The following RHOA variants were observed in gnomAD, a reference collection of about 807,000 sequenced individuals.
The protein encoded by RHOA is ras homolog family member A.
A neutral mutation model predicts 17.5 loss-of-function variants in RHOA; 3 were observed. That is an observed-to-expected ratio of 0.17 (90% CI 0.08 to 0.44). The LOEUF is 0.44. RHOA is among the 20% of genes least tolerant of loss of function. The probability of loss-of-function intolerance (pLI) is 0.99; values close to 1 mark genes in which losing one functional copy is unlikely to be tolerated. For synonymous variants in RHOA, 98 were observed against 88.4 expected, an observed-to-expected ratio of 1.11 and a Z score of -0.61; for missense variants, 56 against 242.3, an observed-to-expected ratio of 0.23 and a Z score of 5.10.
chr3:49,370,471 A>G (rs1183874634), intron 2 of RHOA, among the ~76,000 whole-genome samples: 3 of 152,228 alleles, frequency 2.0e-5, no homozygotes, highest in South Asian at 2.1e-4. Flanking sequence ...TTTCTGCTAT[A>G]ATGTGGAAAC....
intron 1 of RHOA, among the ~76,000 whole-genome samples, chr3:49,407,345 T>C (rs959334618): frequency 2.1e-5 from 3 of 146,298 alleles, no homozygotes; most frequent in African/African-American, 7.5e-5. Flanking sequence ...GTGATTCTCC[T>C]ATCTCAGCCT....
At chr3:49,367,366 A>AAAAAAAAAAAG (rs2048076007) in intron 3 of RHOA, among the ~76,000 whole-genome samples, 1 of 146,562 alleles carries the variant, frequency 6.8e-6, no homozygotes, top group Non-Finnish European at 1.5e-5. Flanking sequence ...AAAAAAAAAA[A>AAAAAAAAAAAG]GAATACTGAC....
chr3:49,369,005 C>CGT (rs2048104736), intron 2 of RHOA, among the ~76,000 whole-genome samples: 1 of 84,306 alleles, frequency 1.2e-5, no homozygotes. Flanking sequence ...CCGCGCCTGG[C>CGT]CTTTTTTTTT....
intron 1 of RHOA, among the ~76,000 whole-genome samples, chr3:49,379,915 A>G (rs2048290418): frequency 6.6e-6 from 1 of 152,176 alleles, no homozygotes; most frequent in South Asian, 2.1e-4. Context: ...CAGTGGGGGG[A>G]AAAAAGAGAG....
intron 1 of RHOA, among the ~76,000 whole-genome samples, chr3:49,406,048 A>G (rs1190833859): frequency 6.6e-6 from 1 of 152,194 alleles, no homozygotes; most frequent in African/African-American, 2.4e-5. Flanking sequence ...GAATAACTGG[A>G]AAAGTTAAAC....
Position 49,360,166 on chromosome 3 carries a change from A to G in RHOA, c.*43T>C. On this transcript the variant is annotated 3_prime_UTR_variant, in exon 5 of 5. Transcript: ENST00000418115. The stretch of plus-strand genomic sequence containing the variant: ...TCATACACTAAGATTAATAAACAGC[A>G]CTTCAAAATTAACCGCATAAGGGCT... 1.9e-6 allele frequency: 3 copies of G among 1,562,310 alleles called. No individual in the cohort carries two copies. Among genetic ancestry groups the G allele is most frequent in the Non-Finnish European group, 2.6e-6 (3 of 1,152,646 alleles).
chr3:49,408,167 A>G (rs1411720685), intron 1 of RHOA, among the ~76,000 whole-genome samples: 2 of 460 alleles, frequency 4.3e-3, no homozygotes, highest in Non-Finnish European at 0.012. Flanking sequence ...TCAAAAGAGA[A>G]AAAAAAAAAA....
intron 1 of RHOA, among the ~76,000 whole-genome samples, chr3:49,403,731 A>T (rs2048765468): frequency 6.6e-6 from 1 of 152,148 alleles, no homozygotes; most frequent in African/African-American, 2.4e-5. Flanking sequence ...GTCTAAAAAA[A>T]ATAAGAACAA....
intron 1 of RHOA, among the ~76,000 whole-genome samples, chr3:49,406,504 T>C (rs1352540533): frequency 7.2e-5 from 11 of 152,286 alleles, no homozygotes; most frequent in Non-Finnish European, 1.6e-4. Flanking sequence ...TTGGCCAGGG[T>C]AGCTCACGCC....
At chr3:49,396,346 G>A (rs993098081) in intron 1 of RHOA, among the ~76,000 whole-genome samples, 7 of 152,128 alleles carry the variant, frequency 4.6e-5, no homozygotes, top group Admixed American at 6.6e-5. Context: ...GGCTGAGGAG[G>A]ATGGATCATT....
chr3:49,367,472 A>G (rs2048078153), intron 3 of RHOA, among the ~76,000 whole-genome samples: 1 of 151,996 alleles, frequency 6.6e-6, no homozygotes, highest in African/African-American at 2.4e-5. Flanking sequence ...AGGCTAAGAC[A>G]GGGCAACCAA....
chr3:49,362,663 A>C, intron 3 of RHOA, 37 bp from the exon 4 acceptor site: 1 of 1,563,382 alleles, frequency 6.4e-7, no homozygotes, highest in Non-Finnish European at 8.7e-7. Flanking sequence ...GGATACATAC[A>C]ATTCTATCTT....
At chr3:49,373,029 A>G (rs1559500322) in intron 2 of RHOA, among the ~76,000 whole-genome samples, 1 of 152,132 alleles carries the variant, frequency 6.6e-6, no homozygotes, top group Admixed American at 6.6e-5. Flanking sequence ...GCCCTAGGAC[A>G]GAAAGAAATA....
intron 1 of RHOA, among the ~76,000 whole-genome samples, chr3:49,381,985 G>C (rs768987091): frequency 8.6e-5 from 13 of 151,280 alleles, no homozygotes; most frequent in Non-Finnish European, 1.6e-4. Flanking sequence ...CAGAGTTTGA[G>C]ACCAGCTTGG....
At chr3:49,409,716 T>C (rs1293194589) in intron 1 of RHOA, among the ~76,000 whole-genome samples, 1 of 152,098 alleles carries the variant, frequency 6.6e-6, no homozygotes, top group Non-Finnish European at 1.5e-5. Flanking sequence ...TACACCCCCA[T>C]ATGACCAGAA....
chr3:49,406,612 T>C (rs2048836305), intron 1 of RHOA: 1 of 151,988 alleles, frequency 6.6e-6, no homozygotes, highest in Non-Finnish European at 1.5e-5. Context: ...TCTACTAAAA[T>C]ACAAAATACA....
At position 49,362,629 on chromosome 3, in the gene RHOA, G is replaced by A. The variant is rs878870965; in HGVS notation, c.278-3C>T. 6.2e-7 allele frequency: 1 copy of A among 1,606,140 alleles called. No individual in the cohort carries two copies. The highest frequency in any genetic ancestry group is 1.7e-5 in the Admixed American group (1 of 58,528). ...GGTCCACTTTTCTGGGATGTTTTCTGAAAGAAAAATGTAGAGAATTTGGGG... is the reference window on the plus strand; with the variant it reads ...GGTCCACTTTTCTGGGATGTTTTCTAAAAGAAAAATGTAGAGAATTTGGGG... On this transcript the variant is annotated splice_region_variant and splice_polypyrimidine_tract_variant and intron_variant, in intron 3 of 4. Coordinates refer to ENST00000418115, the MANE Select transcript of RHOA (RefSeq NM_001664.4).
At chr3:49,408,495 A>G (rs1011147190) in intron 1 of RHOA, among the ~76,000 whole-genome samples, 1 of 152,234 alleles carries the variant, frequency 6.6e-6, no homozygotes, top group Non-Finnish European at 1.5e-5. Flanking sequence ...GAGCAGCTTC[A>G]GTGCCTGATT....
intron 2 of RHOA, among the ~76,000 whole-genome samples, chr3:49,369,002 T>G: frequency 9.4e-6 from 1 of 106,062 alleles, no homozygotes; most frequent in South Asian, 3.4e-4. Context: ...CCACCGCGCC[T>G]GGCCTTTTTT....
Sources: allele counts gnomAD v4.1 joint callset (sites outside exome capture counted in the v4.1 genomes callset), GRCh38; gene constraint gnomAD v4.1.1; transcripts MANE v1.5; gene names NCBI Gene and HGNC (gene_info 2026-07-23, HGNC 2026-07-21).